FREM2: variants seen among roughly 807,000 people sequenced by gnomAD.
FREM2 encodes the protein FRAS1-related extracellular matrix protein 2.
In FREM2, 119 loss-of-function variants were observed where a neutral mutation model predicts 219.9. That is an observed-to-expected ratio of 0.54 (90% CI 0.47 to 0.63). The LOEUF (loss-of-function observed/expected upper bound fraction) is 0.63. Ranked by LOEUF, FREM2 falls within the 30% of genes least tolerant of loss-of-function variation. The pLI is 0.00. For missense variants in FREM2, 4,030 were observed against 3,993.6 expected (o/e 1.01, Z -0.25); for synonymous variants, 1,562 against 1,522.8 (o/e 1.03, Z -0.60).
chr13:38,780,148 G>GACA (rs1351327141), intron 4 of FREM2, among the ~76,000 whole-genome samples: 4 of 152,090 alleles, frequency 2.6e-5, no homozygotes, highest in Non-Finnish European at 5.9e-5. Flanking sequence ...TGGCTAATTT[G>GACA]ACATGTCAGC....
chr13:38,770,306 A>G (rs916707507), intron 4 of FREM2, among the ~76,000 whole-genome samples: 1 of 151,342 alleles, frequency 6.6e-6, no homozygotes, highest in African/African-American at 2.4e-5. Flanking sequence ...TATCCTCCCA[A>G]CTCAGCCTCC....
chr13:38,873,517 T>C (rs1878238463), intron 17 of FREM2, among the ~76,000 whole-genome samples: 1 of 152,208 alleles, frequency 6.6e-6, no homozygotes, highest in Admixed American at 6.5e-5. Context: ...TAGTTGAATG[T>C]CTGCGAACTC....
At chr13:38,783,031 C>T (rs1874177257) in intron 4 of FREM2, 39 bp from the exon 5 acceptor site, 1 of 1,610,596 alleles carries the variant, frequency 6.2e-7, no homozygotes, top group South Asian at 1.1e-5. Flanking sequence ...GTAAGAAGCT[C>T]AGACAAAAAT....
chr13:38,690,163 T>C lies in FREM2; in HGVS notation c.2819T>C (p.Val940Ala), dbSNP rs1358231039. 5 of 1,613,982 alleles carry C rather than the reference T, an allele frequency of 3.1e-6. No homozygotes were observed. The highest frequency in any genetic ancestry group is 4.2e-6 in the Non-Finnish European group (5 of 1,179,980). ...RVNVRPVDDE[V>A]PILSHPTGTL... is the part of the protein sequence containing the mutation. ...AATGTCCGGCCAGTGGATGATGAAGTGCCCATACTGAGCCATCCTACTGGC... is the reference window on the plus strand; with the variant it reads ...AATGTCCGGCCAGTGGATGATGAAGCGCCCATACTGAGCCATCCTACTGGC... The change falls in exon 1 of 24, where the codon GTG (valine) becomes GCG (alanine). Residue 940 changes from valine to alanine, a missense_variant. Coordinates refer to ENST00000280481, the MANE Select transcript of FREM2 (RefSeq NM_207361.6).
intron 18 of FREM2, among the ~76,000 whole-genome samples, chr13:38,875,171 A>AG (rs5802959): frequency 0.74 from 111,494 of 151,568 alleles, 41,423 homozygotes; most frequent in East Asian, 0.84. Flanking sequence ...TTTTTTAACA[A>AG]GGACATTTCA....
chr13:38,773,197 C>A (rs536621542), intron 4 of FREM2, among the ~76,000 whole-genome samples: 67 of 152,188 alleles, frequency 4.4e-4, no homozygotes, highest in African/African-American at 1.4e-3. Context: ...CAGTTATATG[C>A]TTGCTTATTT....
At chr13:38,820,615 G>A (rs1479643409) in intron 6 of FREM2, among the ~76,000 whole-genome samples, 2 of 152,034 alleles carry the variant, frequency 1.3e-5, no homozygotes. Context: ...TTGATTAAAT[G>A]GAAAAGATCT....
intron 2 of FREM2, among the ~76,000 whole-genome samples, chr13:38,734,761 TTC>T (rs2137772086): frequency 6.7e-6 from 1 of 148,694 alleles, no homozygotes; most frequent in African/African-American, 2.5e-5. Flanking sequence ...TTTTTTTTTT[TTC>T]TGAAACACAG....
rs1028751570 is a variant in FREM2, at chr13:38,881,031, C to A, written c.*244C>A. 5.1e-5 allele frequency: 29 copies of A among 566,506 alleles called. No individual in the cohort carries two copies. The highest frequency in any genetic ancestry group is 4.9e-4 in the African/African-American group (26 of 53,356). The allele number at this position is 566,506 out of a possible 1,614,324, so 35.1% of individuals were successfully genotyped here. ...ACAACGTACTCATATGTACACAGAG[C>A]CATGATGTGAGGAATGTACTCCTCA... On this transcript the variant is annotated 3_prime_UTR_variant, in exon 24 of 24. Coordinates refer to ENST00000280481, the MANE Select transcript of FREM2 (RefSeq NM_207361.6).
chr13:38,782,057 G>A (rs1019946353), intron 4 of FREM2, among the ~76,000 whole-genome samples: 13 of 152,238 alleles, frequency 8.5e-5, no homozygotes, highest in African/African-American at 3.1e-4. Context: ...GAAACATTAG[G>A]CGTGGTTCCC....
At chr13:38,858,198 A>G (rs1163294059) in intron 13 of FREM2, among the ~76,000 whole-genome samples, 165 bp downstream of exon 13, 1 of 152,190 alleles carries the variant, frequency 6.6e-6, no homozygotes, top group Admixed American at 6.5e-5. Context: ...TAAAGCTCCC[A>G]TTTTTCTTTC....
At chr13:38,729,304 A>T (rs968653804) in intron 2 of FREM2, among the ~76,000 whole-genome samples, 10 of 152,118 alleles carry the variant, frequency 6.6e-5, no homozygotes, top group African/African-American at 2.4e-4. Flanking sequence ...ATGACATATG[A>T]TGCTTTTCTT....
Position 38,876,430 on chromosome 13 carries a change from G to C in FREM2, c.8544+48G>C, listed in dbSNP as rs111938887. 9.6e-4 allele frequency: 1,406 copies of C among 1,470,046 alleles called. 8 individuals are homozygous for C. The African/African-American group carries it at 0.019, about 19-fold the overall frequency. 91.1% of individuals were successfully genotyped at this position (1,470,046 alleles called of 1,614,324 possible). On this transcript the variant is annotated intron_variant, in intron 20 of 23. Transcript: ENST00000280481. ...CTTATGACTTGCAGAATCCCACTTT[G>C]TTTTTCATTTATTAGTAAAAAAAAA... is the stretch of plus-strand genomic sequence containing the variant.
At chr13:38,842,324 G>A (rs1000515042) in intron 6 of FREM2, among the ~76,000 whole-genome samples, 1 of 152,176 alleles carries the variant, frequency 6.6e-6, no homozygotes, top group African/African-American at 2.4e-5. Flanking sequence ...CTTTCCTTAA[G>A]AGCCTGGTTA....
chr13:38,750,670 A>C (rs1872709004), intron 2 of FREM2, among the ~76,000 whole-genome samples: 1 of 151,688 alleles, frequency 6.6e-6, no homozygotes, highest in Non-Finnish European at 1.5e-5. Context: ...GTCATATGGT[A>C]GTTCTGTTTT....
rs770461541 is a variant in FREM2 at position 38,880,694 on chromosome 13, A to G, written c.9417A>G (p.Glu3139=). ...CAGTGCTGATGTGCAGGGGCAAGGAAAGTTTCAGGGGGAAGGATGCCCCGA... is the reference window on the plus strand; with the variant it reads ...CAGTGCTGATGTGCAGGGGCAAGGAGAGTTTCAGGGGGAAGGATGCCCCGA... ...VIAVLMCRGK[E]SFRGKDAPKG... The change falls in exon 24 of 24, where the codon GAA becomes GAG. Residue 3139 remains glutamate, a synonymous_variant. Coordinates refer to ENST00000280481, the MANE Select transcript of FREM2 (RefSeq NM_207361.6). 6.2e-7 allele frequency: 1 copy of G among 1,614,176 alleles called. No individual in the cohort carries two copies. Among genetic ancestry groups the G allele is most frequent in the African/African-American group, 1.3e-5 (1 of 75,058 alleles).
At chr13:38,808,407 G>A (rs1264525703) in intron 6 of FREM2, among the ~76,000 whole-genome samples, 1 of 151,838 alleles carries the variant, frequency 6.6e-6, no homozygotes, top group Non-Finnish European at 1.5e-5. Context: ...TAACTGTTGG[G>A]CACAAGAGGC....
intron 6 of FREM2, among the ~76,000 whole-genome samples, chr13:38,833,605 G>C (rs936769977): frequency 2.0e-5 from 3 of 151,988 alleles, no homozygotes; most frequent in African/African-American, 7.2e-5. Flanking sequence ...ACATTGAATG[G>C]AAAAAAATAA....
rs148849553 is a variant in FREM2, at chr13:38,865,260, TAC to T, written c.7983+664_7983+665del. Among the ~76,000 whole-genome samples, 32 of 152,182 alleles carry T rather than the reference TAC, an allele frequency of 2.1e-4. No individual in the cohort carries two copies. The South Asian group carries it at 2.9e-3, about 14-fold the overall frequency. On this transcript the variant is annotated intron_variant, in intron 16 of 23. Transcript: ENST00000280481. ...TACACATTCACACATAAAATACACATACACACACACAATCCTCACCCCCACCC... is the reference window on the plus strand; with the variant it reads ...TACACATTCACACATAAAATACACATACACACACAATCCTCACCCCCACCC...
Sources: gnomAD v4.1 joint callset for allele counts (sites outside exome capture counted in the v4.1 genomes callset) on GRCh38, gnomAD v4.1.1 for gene constraint, MANE v1.5 for transcripts, NCBI Gene and HGNC (gene_info 2026-07-23, HGNC 2026-07-21) for gene names.